Variants in MGAT4C observed in about 807,000 individuals in gnomAD.
MGAT4C encodes the protein alpha-1,3-mannosyl-glycoprotein 4-beta-N-acetylglucosaminyltransferase C.
MGAT4C carries 19 observed loss-of-function variants against 40.1 expected under a neutral mutation model. The observed-to-expected ratio is 0.47, with a 90% CI of 0.33 to 0.70. The LOEUF is 0.70. Among genes scored for constraint, MGAT4C ranks in the 30% least tolerant of loss-of-function variants. MGAT4C has a pLI of 0.02. For missense variants in MGAT4C, 491 were observed against 563.2 expected (o/e 0.87, Z 1.30); for synonymous variants, 181 against 187.1 (o/e 0.97, Z 0.27).
chr12:86,428,847 TTC>T (rs768070573), intron 3 of MGAT4C, among the ~76,000 whole-genome samples: 1 of 152,106 alleles, frequency 6.6e-6, no homozygotes, highest in Non-Finnish European at 1.5e-5. Context: ...TATTTGAGTT[TTC>T]TCTCTTTTTT....
chr12:86,791,217 GA>G (rs1241427929), intron 1 of MGAT4C, among the ~76,000 whole-genome samples: 1 of 152,032 alleles, frequency 6.6e-6, no homozygotes, highest in African/African-American at 2.4e-5. Context: ...AATTCTCTCT[GA>G]AAAGTCAGAA....
intron 2 of MGAT4C, among the ~76,000 whole-genome samples, chr12:86,631,304 A>C (rs940641825): frequency 6.6e-6 from 1 of 152,168 alleles, no homozygotes; most frequent in Non-Finnish European, 1.5e-5. Context: ...AGGAAGAATC[A>C]AAATCGTGAA....
At chr12:86,292,612 G>C (rs1267737757) in intron 4 of MGAT4C, among the ~76,000 whole-genome samples, 2 of 152,000 alleles carry the variant, frequency 1.3e-5, no homozygotes, top group Non-Finnish European at 2.9e-5. Flanking sequence ...AGCTGTCATA[G>C]GTAATGTGAT....
At chr12:86,363,972 T>TCTCA (rs554440445) in intron 3 of MGAT4C, among the ~76,000 whole-genome samples, 25 of 148,690 alleles carry the variant, frequency 1.7e-4, no homozygotes, top group Admixed American at 3.4e-4. Flanking sequence ...TCTCTCTCTC[T>TCTCA]CACACACACA....
At chr12:86,546,087 T>C (rs925944897) in intron 2 of MGAT4C, among the ~76,000 whole-genome samples, 11 of 151,996 alleles carry the variant, frequency 7.2e-5, no homozygotes, top group Non-Finnish European at 1.6e-4. Context: ...ATTATGGTCA[T>C]AGTTCTCTTT....
intron 2 of MGAT4C, among the ~76,000 whole-genome samples, chr12:86,726,465 G>T (rs1182958642): frequency 6.6e-6 from 1 of 152,038 alleles, no homozygotes; most frequent in Non-Finnish European, 1.5e-5. Flanking sequence ...TTATTCACTG[G>T]CATGAAGAAA....
intron 2 of MGAT4C, among the ~76,000 whole-genome samples, chr12:86,448,220 C>T (rs1167370186): frequency 6.6e-6 from 1 of 152,144 alleles, no homozygotes; most frequent in African/African-American, 2.4e-5. Flanking sequence ...GTGGCAGCTT[C>T]CTGATCATTT....
intron 3 of MGAT4C, among the ~76,000 whole-genome samples, chr12:86,375,876 G>A (rs191997513): frequency 4.6e-5 from 7 of 152,120 alleles, no homozygotes; most frequent in African/African-American, 1.7e-4. Flanking sequence ...AAAATGGAGA[G>A]ACTATACAAC....
At chr12:86,070,829 T>C (rs948814193) in intron 1 of MGAT4C, among the ~76,000 whole-genome samples, 1 of 152,074 alleles carries the variant, frequency 6.6e-6, no homozygotes, top group Non-Finnish European at 1.5e-5. Context: ...TAGTTAATTA[T>C]TGATTTTTAA....
At chr12:86,388,657 A>C (rs1956104932) in intron 3 of MGAT4C, among the ~76,000 whole-genome samples, 1 of 151,548 alleles carries the variant, frequency 6.6e-6, no homozygotes, top group South Asian at 2.1e-4. Context: ...TTGATCAATA[A>C]ACACTTCAGC....
intron 2 of MGAT4C, among the ~76,000 whole-genome samples, chr12:86,690,730 G>A (rs1049285176): frequency 6.6e-5 from 10 of 152,232 alleles, no homozygotes; most frequent in East Asian, 1.9e-4. Context: ...ACTGCAGACC[G>A]GAGCTGTTCC....
intron 1 of MGAT4C, among the ~76,000 whole-genome samples, chr12:86,735,772 A>G (rs1313644633): frequency 6.6e-6 from 1 of 151,870 alleles, no homozygotes; most frequent in Non-Finnish European, 1.5e-5. Context: ...CTGACTGTTC[A>G]TCCTCCCACC....
chr12:86,014,804 C>T (rs943907617), intron 2 of MGAT4C, among the ~76,000 whole-genome samples: 3 of 151,934 alleles, frequency 2.0e-5, no homozygotes, highest in African/African-American at 7.2e-5. Context: ...TACTTGGGGA[C>T]GTGGAGGGCT....
intron 3 of MGAT4C, among the ~76,000 whole-genome samples, chr12:86,371,225 A>G (rs1372561445): frequency 6.6e-6 from 1 of 151,890 alleles, no homozygotes; most frequent in Non-Finnish European, 1.5e-5. Flanking sequence ...CTTTCTGTCT[A>G]TTGGTGTGCA....
chr12:86,202,025 ATT>A (rs1407274746), intron 1 of MGAT4C, among the ~76,000 whole-genome samples: 6 of 152,052 alleles, frequency 3.9e-5, no homozygotes, highest in Non-Finnish European at 8.8e-5. Context: ...AAGTTATTAC[ATT>A]TATAAAATAT....
intron 1 of MGAT4C, among the ~76,000 whole-genome samples, chr12:86,243,406 A>C (rs1248555901): frequency 6.6e-6 from 1 of 152,198 alleles, no homozygotes; most frequent in Non-Finnish European, 1.5e-5. Context: ...AATGATTCAC[A>C]TTCTTGTCTT....
At chr12:86,801,849 C>A (rs1340665410) in intron 1 of MGAT4C, among the ~76,000 whole-genome samples, 3 of 124,602 alleles carry the variant, frequency 2.4e-5, no homozygotes, top group African/African-American at 7.6e-5. Context: ...ATAGGTAATA[C>A]AAAATGTTAA....
intron 3 of MGAT4C, among the ~76,000 whole-genome samples, chr12:85,984,928 G>A (rs1330042028): frequency 2.0e-5 from 3 of 152,092 alleles, no homozygotes; most frequent in South Asian, 2.1e-4. Context: ...GCAGGCACAC[G>A]CCACCATGCC....
At chr12:86,740,947 C>G (rs995413097) in intron 1 of MGAT4C, among the ~76,000 whole-genome samples, 1 of 150,624 alleles carries the variant, frequency 6.6e-6, no homozygotes, top group Non-Finnish European at 1.5e-5. Flanking sequence ...ATTCCGTCAC[C>G]CAGGTAGTGA....
Sources: allele counts gnomAD v4.1 joint callset (sites outside exome capture counted in the v4.1 genomes callset), GRCh38; gene constraint gnomAD v4.1.1; transcripts MANE v1.5; gene names NCBI Gene and HGNC (gene_info 2026-07-23, HGNC 2026-07-21).